The following TWSG1 variants were observed in gnomAD, a reference collection of about 807,000 sequenced individuals.
TWSG1 encodes twisted gastrulation BMP signaling modulator 1, also known as twisted gastrulation protein homolog 1.
A neutral mutation model predicts 23.0 loss-of-function variants in TWSG1; 15 were observed. The ratio of observed to expected loss-of-function variants is 0.65; its 90% CI spans 0.44 to 1.00. The LOEUF (loss-of-function observed/expected upper bound fraction) is 1.00. Among genes scored for constraint, TWSG1 ranks in the 50% least tolerant of loss-of-function variants. The pLI is 0.00. For synonymous variants in TWSG1, 86 were observed against 92.8 expected (o/e 0.93, Z 0.42); for missense variants, 242 against 278.7 (o/e 0.87, Z 0.94).
At chr18:9,359,912 A>G in intron 2 of TWSG1, 60 bp from the exon 3 acceptor site, 1 of 1,385,858 alleles carries the variant, frequency 7.2e-7, no homozygotes, top group Non-Finnish European at 1.0e-6. Flanking sequence ...TTGCTTAAAA[A>G]GTAGCAGTTT....
chr18:9,393,568 T>G (rs1228228645), intron 3 of TWSG1, among the ~76,000 whole-genome samples: 1 of 152,158 alleles, frequency 6.6e-6, no homozygotes, highest in Non-Finnish European at 1.5e-5. Flanking sequence ...ATCTGTTTAT[T>G]TTTTTTAGAG....
intron 3 of TWSG1, among the ~76,000 whole-genome samples, chr18:9,370,753 G>A (rs1047596414): frequency 1.3e-5 from 2 of 152,150 alleles, no homozygotes; most frequent in Non-Finnish European, 2.9e-5. Context: ...AGTAATAGTA[G>A]CTTCTTCCTT....
At chr18:9,378,196 T>C (rs2040639981) in intron 3 of TWSG1, among the ~76,000 whole-genome samples, 1 of 152,114 alleles carries the variant, frequency 6.6e-6, no homozygotes, top group South Asian at 2.1e-4. Context: ...ACCCAGAATA[T>C]ACAAAAACAA....
chr18:9,363,541 A>G (rs966312244), intron 3 of TWSG1, among the ~76,000 whole-genome samples: 1 of 152,196 alleles, frequency 6.6e-6, no homozygotes. Flanking sequence ...GAAGTCCTTT[A>G]GTTATACATC....
rs142362325 is a variant in TWSG1 at position 9,378,790 on chromosome 18, A to G, written c.224-17490A>G. Among the ~76,000 whole-genome samples the G allele has an allele frequency of 5.8e-3, 884 of 151,584 alleles. 2 individuals are homozygous for G. The highest frequency in any genetic ancestry group is 0.017 in the South Asian group (83 of 4,800). On this transcript the variant is annotated intron_variant, in intron 3 of 4. Coordinates refer to ENST00000262120, the MANE Select transcript of TWSG1 (RefSeq NM_020648.6). ...GTTTGAGACCAGCCTGGGCAACTTA[A>G]CGAAATACCATCTCTACAAAAAATA...
At chr18:9,370,956 C>T (rs150161190) in intron 3 of TWSG1, among the ~76,000 whole-genome samples, 31 of 151,916 alleles carry the variant, frequency 2.0e-4, no homozygotes, top group Admixed American at 1.7e-3. Flanking sequence ...CTCTAAGTAG[C>T]CAAAATGGAA....
chr18:9,348,965 G>A (rs901722305), intron 2 of TWSG1, among the ~76,000 whole-genome samples: 1 of 152,118 alleles, frequency 6.6e-6, no homozygotes, highest in African/African-American at 2.4e-5. Context: ...TGGTTGCAAA[G>A]CAGTACAGTC....
At chr18:9,387,610 C>A (rs1396361232) in intron 3 of TWSG1, among the ~76,000 whole-genome samples, 6 of 149,438 alleles carry the variant, frequency 4.0e-5, no homozygotes, top group Admixed American at 1.3e-4. Flanking sequence ...ACTAAAAATA[C>A]AAAAAAAAAA....
intron 4 of TWSG1, chr18:9,397,154 A>G (rs950161579): frequency 4.6e-5 from 7 of 152,338 alleles, no homozygotes; most frequent in Admixed American, 4.6e-4. Context: ...AAAATAGATA[A>G]TTGTTCCTAA....
chr18:9,374,735 C>G (rs998522694), intron 3 of TWSG1, among the ~76,000 whole-genome samples: 2 of 152,180 alleles, frequency 1.3e-5, no homozygotes, highest in Non-Finnish European at 2.9e-5. Context: ...AAACTACAGA[C>G]CAATACCTCT....
intron 3 of TWSG1, among the ~76,000 whole-genome samples, chr18:9,360,336 C>T (rs1030152666): frequency 6.6e-6 from 1 of 151,828 alleles, no homozygotes. Flanking sequence ...AGTTTTTGTA[C>T]TGTTGAATTT....
intron 4 of TWSG1, 61 bp from the exon 5 acceptor site, chr18:9,399,285 G>A (rs1363656323): frequency 1.5e-5 from 18 of 1,213,044 alleles, no homozygotes; most frequent in Non-Finnish European, 2.1e-5. Flanking sequence ...AGGTAATAAA[G>A]CATTTTATTT....
chr18:9,346,620 C>A (rs1013875035), intron 2 of TWSG1, among the ~76,000 whole-genome samples: 1 of 152,054 alleles, frequency 6.6e-6, no homozygotes, highest in Admixed American at 6.6e-5. Flanking sequence ...AAAAAAAAGT[C>A]TTGAGTGCTG....
intron 4 of TWSG1, among the ~76,000 whole-genome samples, chr18:9,398,799 G>A (rs893164727): frequency 2.0e-5 from 3 of 151,940 alleles, no homozygotes; most frequent in African/African-American, 4.8e-5. Context: ...TTAACTTATG[G>A]ATCTATCATT....
At chr18:9,376,254 T>C (rs542530275) in intron 3 of TWSG1, among the ~76,000 whole-genome samples, 1 of 152,310 alleles carries the variant, frequency 6.6e-6, no homozygotes, top group African/African-American at 2.4e-5. Flanking sequence ...ATAAAAATCC[T>C]AGCAATTTAT....
intron 3 of TWSG1, among the ~76,000 whole-genome samples, chr18:9,383,033 T>G (rs536526485): frequency 2.7e-4 from 41 of 151,888 alleles, no homozygotes; most frequent in African/African-American, 9.4e-4. Context: ...TATGGCTAGA[T>G]GTTTGTAAAT....
intron 3 of TWSG1, among the ~76,000 whole-genome samples, chr18:9,365,624 C>T (rs1172488725): frequency 6.6e-6 from 1 of 151,960 alleles, no homozygotes; most frequent in Non-Finnish European, 1.5e-5. Context: ...CTGTACTGAG[C>T]CATGTCTGAG....
At chr18:9,365,935 G>T (rs1281666193) in intron 3 of TWSG1, among the ~76,000 whole-genome samples, 1 of 152,174 alleles carries the variant, frequency 6.6e-6, no homozygotes, top group Non-Finnish European at 1.5e-5. Flanking sequence ...GAGCCCAGGA[G>T]CTTGCGGCTG....
Position 9,400,675 on chromosome 18 carries a change from C to A in TWSG1, c.*1148C>A, listed in dbSNP as rs939118990. 1 of 152,110 alleles carries A rather than the reference C, an allele frequency of 6.6e-6. No individual in the cohort carries two copies. The highest frequency in any genetic ancestry group is 2.4e-5 in the African/African-American group (1 of 41,432). 9.4% of individuals were successfully genotyped at this position (152,110 alleles called of 1,614,324 possible). A position where few individuals can be genotyped will look rare whatever the true frequency, so the allele number is the denominator to read the frequency against. ...TCTTTTTAAACAAGTATAATCATAT[C>A]GTCGGAGGTTAAGATTATGAAATTT... On this transcript the variant is annotated 3_prime_UTR_variant, in exon 5 of 5. Transcript: ENST00000262120.
Sources: gnomAD v4.1 joint callset for allele counts (sites outside exome capture counted in the v4.1 genomes callset) on GRCh38, gnomAD v4.1.1 for gene constraint, MANE v1.5 for transcripts, NCBI Gene and HGNC (gene_info 2026-07-23, HGNC 2026-07-21) for gene names.